The following ARHGAP10 variants were observed in gnomAD, a reference collection of about 807,000 sequenced individuals.
ARHGAP10 encodes the protein rho GTPase-activating protein 10.
A neutral mutation model predicts 108.6 loss-of-function variants in ARHGAP10; 87 were observed. The ratio of observed to expected loss-of-function variants is 0.80; its 90% confidence interval spans 0.67 to 0.96. ARHGAP10 has a LOEUF of 0.96. Among genes scored for constraint, ARHGAP10 ranks in the 40% least tolerant of loss-of-function variants. The pLI is 0.00. For synonymous variants in ARHGAP10, 347 were observed against 341.1 expected (o/e 1.02, Z -0.19); for missense variants, 939 against 954.5 (o/e 0.98, Z 0.21).
intron 5 of ARHGAP10, chr4:147,861,112 T>G (rs1734297784): frequency 6.6e-6 from 1 of 152,262 alleles, no homozygotes; most frequent in South Asian, 2.1e-4. Flanking sequence ...CTGGCCTGGA[T>G]CTCATGCCTG....
intron 10 of ARHGAP10, among the ~76,000 whole-genome samples, chr4:147,904,211 ATCTTT>A (rs992190576): frequency 7.9e-5 from 12 of 151,798 alleles, no homozygotes; most frequent in Non-Finnish European, 1.8e-4. Context: ...GATAGGGTGC[ATCTTT>A]TCTTTCTTTC....
In ARHGAP10 at chr4:148,063,272, G is replaced by C; in HGVS notation, c.2152G>C (p.Ala718Pro). Residue 718 changes from alanine (A) to proline (P), a missense_variant, in exon 21 of 23, where the codon GCT (alanine) becomes CCT (proline). Transcript: ENST00000336498. Reference protein sequence around the residue: ...GSSPFPFSPPATVADKPPESI... With the variant: ...GSSPFPFSPPPTVADKPPESI... ...GTCCCCTTTCCCCTTTTCTCCTCCTGCTACTGTAGCGGACAAGCCACCTGA... is the reference window on the plus strand; with the variant it reads ...GTCCCCTTTCCCCTTTTCTCCTCCTCCTACTGTAGCGGACAAGCCACCTGA... The C allele has an allele frequency of 6.2e-7, 1 of 1,614,100 alleles. No individual in the cohort carries two copies.
At chr4:148,069,836 C>T (rs180971762) in intron 22 of ARHGAP10, among the ~76,000 whole-genome samples, 7 of 152,284 alleles carry the variant, frequency 4.6e-5, no homozygotes, top group Non-Finnish European at 1.0e-4. Context: ...ATTGTTACAA[C>T]CCTGAGGGCC....
intron 18 of ARHGAP10, among the ~76,000 whole-genome samples, chr4:148,016,792 G>C (rs1231573932): frequency 1.3e-5 from 2 of 152,078 alleles, no homozygotes; most frequent in Non-Finnish European, 2.9e-5. Context: ...ATTCTGACTG[G>C]CTTCCACTTG....
chr4:147,791,432 A>G (rs1187890306), intron 1 of ARHGAP10, among the ~76,000 whole-genome samples: 1 of 151,802 alleles, frequency 6.6e-6, no homozygotes, highest in Admixed American at 6.6e-5. Context: ...TTTAGGAGGA[A>G]AAAAAGCCAC....
At chr4:147,877,574 T>C (rs1735124861) in intron 8 of ARHGAP10, among the ~76,000 whole-genome samples, 1 of 152,202 alleles carries the variant, frequency 6.6e-6, no homozygotes, top group Admixed American at 6.5e-5. Flanking sequence ...TTTAAAAGTG[T>C]CTTGACTCAG....
rs78191921 is a variant in ARHGAP10 at position 147,919,031 on chromosome 4, G to A, written c.1228+5892G>A. 2.6e-3 allele frequency among the ~76,000 whole-genome samples: 390 copies of A among 152,250 alleles called. 2 individuals are homozygous for A. The highest frequency in any genetic ancestry group is 0.01 in the Middle Eastern group (3 of 294). ...TCTCTTCTGGCCTCCAATTGCTTCC[G>A]AAGGTGGCTCAGTTCTCCTTACCTC... is the stretch of plus-strand genomic sequence containing the variant. On this transcript the variant is annotated intron_variant, in intron 13 of 22. Coordinates refer to ENST00000336498, the MANE Select transcript of ARHGAP10 (RefSeq NM_024605.4).
chr4:147,748,597 G>C (rs1729023201), intron 1 of ARHGAP10, among the ~76,000 whole-genome samples: 1 of 152,184 alleles, frequency 6.6e-6, no homozygotes, highest in Non-Finnish European at 1.5e-5. Context: ...TGATAGCATT[G>C]ATAATGATGG....
At chr4:147,938,329 A>G (rs779755412) in intron 13 of ARHGAP10, among the ~76,000 whole-genome samples, 10 of 152,288 alleles carry the variant, frequency 6.6e-5, no homozygotes, top group Middle Eastern at 6.8e-3. Flanking sequence ...TTTATTATCT[A>G]TGTAACAAAC....
At chr4:148,035,603 G>T (rs553495937) in intron 19 of ARHGAP10, among the ~76,000 whole-genome samples, 1 of 152,284 alleles carries the variant, frequency 6.6e-6, no homozygotes, top group South Asian at 2.1e-4. Flanking sequence ...GAAACGGGAG[G>T]AGTGAGGTCG....
chr4:148,035,122 G>T (rs1429271924), intron 19 of ARHGAP10, among the ~76,000 whole-genome samples: 1 of 152,062 alleles, frequency 6.6e-6, no homozygotes. Flanking sequence ...TTATAATGGG[G>T]TCTTTATTTT....
chr4:147,907,255 G>A (rs891975870), intron 11 of ARHGAP10, among the ~76,000 whole-genome samples: 2 of 152,120 alleles, frequency 1.3e-5, no homozygotes, highest in African/African-American at 4.8e-5. Flanking sequence ...AGATCCAGAG[G>A]CACCAAGATT....
At chr4:147,957,523 G>A (rs867408369) in intron 16 of ARHGAP10, among the ~76,000 whole-genome samples, 1 of 152,190 alleles carries the variant, frequency 6.6e-6, no homozygotes, top group Admixed American at 6.5e-5. Context: ...CAGCTTACCT[G>A]GTTTTGCTCA....
chr4:147,949,421 A>T (rs140762201), intron 15 of ARHGAP10, among the ~76,000 whole-genome samples: 1 of 152,214 alleles, frequency 6.6e-6, no homozygotes, highest in South Asian at 2.1e-4. Flanking sequence ...GTGTTTCTCA[A>T]CTGAGGATGG....
chr4:147,919,173 T>C (rs1737120670), intron 13 of ARHGAP10, among the ~76,000 whole-genome samples: 1 of 152,256 alleles, frequency 6.6e-6, no homozygotes, highest in African/African-American at 2.4e-5. Context: ...ACTATCGTTC[T>C]CAGTACTCTT....
intron 7 of ARHGAP10, among the ~76,000 whole-genome samples, chr4:147,868,429 C>A (rs1466321685): frequency 6.6e-6 from 1 of 151,942 alleles, no homozygotes; most frequent in African/African-American, 2.4e-5. Context: ...GTAGAGATGG[C>A]ATCTCATTGT....
chr4:147,951,476 C>T (rs1336813534), intron 15 of ARHGAP10, among the ~76,000 whole-genome samples: 1 of 150,430 alleles, frequency 6.6e-6, no homozygotes, highest in Admixed American at 6.6e-5. Flanking sequence ...GAAATAAGAG[C>T]AGGACTTTTT....
At chr4:147,778,887 G>A (rs1730416448) in intron 1 of ARHGAP10, among the ~76,000 whole-genome samples, 1 of 151,900 alleles carries the variant, frequency 6.6e-6, no homozygotes, top group Non-Finnish European at 1.5e-5. Context: ...TATGGTGGAA[G>A]GACTTAAACT....
chr4:147,791,438 G>A (rs79601068), intron 1 of ARHGAP10, among the ~76,000 whole-genome samples: 1 of 151,952 alleles, frequency 6.6e-6, no homozygotes, highest in Non-Finnish European at 1.5e-5. Flanking sequence ...AGGAAAAAAA[G>A]CCACATTATT....
Sources: allele counts gnomAD v4.1 joint callset (sites outside exome capture counted in the v4.1 genomes callset), GRCh38; gene constraint gnomAD v4.1.1; transcripts MANE v1.5; gene names NCBI Gene and HGNC (gene_info 2026-07-23, HGNC 2026-07-21).